The following STK33 variants were observed in gnomAD, a reference collection of about 807,000 sequenced individuals.
STK33 encodes serine/threonine-protein kinase 33.
In STK33, 52 loss-of-function variants were observed where a neutral mutation model predicts 58.0. The observed-to-expected ratio is 0.90, with a 90% confidence interval of 0.72 to 1.13. STK33 has a LOEUF of 1.13. Among genes scored for constraint, STK33 ranks in the 50% most tolerant of loss-of-function variants. STK33 has a pLI of 0.00. For missense variants in STK33, 630 were observed against 604.2 expected, an observed-to-expected ratio of 1.04 and a Z score of -0.45; for synonymous variants, 215 against 200.1, an observed-to-expected ratio of 1.07 and a Z score of -0.63.
intron 1 of STK33, among the ~76,000 whole-genome samples, chr11:8,494,836 A>C (rs1191231275): frequency 1.3e-5 from 2 of 152,158 alleles, no homozygotes; most frequent in East Asian, 3.8e-4. Flanking sequence ...CAAAAACAAG[A>C]AATGGGGAAA....
chr11:8,476,423 C>T (rs999143435), intron 4 of STK33, among the ~76,000 whole-genome samples: 6 of 152,164 alleles, frequency 3.9e-5, no homozygotes, highest in African/African-American at 1.2e-4. Context: ...TTTGCCTATA[C>T]GGTCCCAAAT....
chr11:8,552,550 A>G (rs1284236550), intron 1 of STK33, among the ~76,000 whole-genome samples: 3 of 152,102 alleles, frequency 2.0e-5, no homozygotes, highest in Non-Finnish European at 4.4e-5. Flanking sequence ...CTTATTCTAT[A>G]AGCTTTTTTC....
chr11:8,346,938 C>T, the STK33 span, among the ~76,000 whole-genome samples: 3 of 152,110 alleles, frequency 2.0e-5, no homozygotes, highest in Non-Finnish European at 4.4e-5. Context: ...AATCATAGAC[C>T]TTTATTTTCT....
In STK33 at chr11:8,392,592, G is replaced by T. The variant is rs762420940; in HGVS notation, c.1463C>A (p.Thr488Asn). Residue 488 changes from threonine to asparagine, a missense_variant, in exon 16 of 16, where the codon ACC becomes AAC. Coordinates refer to ENST00000687296, the MANE Select transcript of STK33 (RefSeq NM_001352389.2). ...TGTTCCTTGGCTTGGAGTCACAGGG[G>T]TTTTCTCCATTTCTCCCTTGATTTC... ...PAEIKGEMEK[T>N]PVTPSQGTAT... is the part of the protein sequence containing the mutation. 8.7e-6 allele frequency: 14 copies of T among 1,614,088 alleles called. No individual in the cohort carries two copies. The Admixed American group carries it at 1.8e-4, about 21-fold the overall frequency.
At chr11:8,514,183 T>C (rs1045988715) in intron 1 of STK33, among the ~76,000 whole-genome samples, 1 of 152,236 alleles carries the variant, frequency 6.6e-6, no homozygotes, top group Non-Finnish European at 1.5e-5. Context: ...TACTCCATTG[T>C]ATATATGTGT....
intron 8 of STK33, among the ~76,000 whole-genome samples, chr11:8,461,072 C>T (rs887207305): frequency 6.6e-6 from 1 of 152,222 alleles, no homozygotes; most frequent in African/African-American, 2.4e-5. Context: ...GCCCATTTTA[C>T]AGATGAGGAA....
At chr11:8,515,349 C>G (rs1952682232) in intron 1 of STK33, among the ~76,000 whole-genome samples, 1 of 151,976 alleles carries the variant, frequency 6.6e-6, no homozygotes, top group Non-Finnish European at 1.5e-5. Context: ...TAGAACCTAC[C>G]AAGATAAATT....
chr11:8,490,541 G>A (rs185371481), intron 1 of STK33, among the ~76,000 whole-genome samples: 36 of 152,316 alleles, frequency 2.4e-4, no homozygotes, highest in East Asian at 2.1e-3. Flanking sequence ...AAACGTCCCC[G>A]TCTCACAGCT....
In STK33 at chr11:8,554,688, C is replaced by T. The variant is rs1354469378; in HGVS notation, c.-466+39395G>A. Among the ~76,000 whole-genome samples, 4 of 152,076 alleles carry T rather than the reference C, an allele frequency of 2.6e-5. No homozygotes were observed. The East Asian group carries it at 5.8e-4, about 22-fold the overall frequency. On this transcript the variant is annotated intron_variant, in intron 1 of 15. Coordinates refer to ENST00000687296, the MANE Select transcript of STK33 (RefSeq NM_001352389.2). Reference sequence around the variant, plus strand: ...AAATTAGTACAGCTATTATAAAAAACGGTATGGAGATTCCTCAAAAAAACT... The same window carrying T: ...AAATTAGTACAGCTATTATAAAAAATGGTATGGAGATTCCTCAAAAAAACT...
intron 1 of STK33, among the ~76,000 whole-genome samples, chr11:8,525,073 C>G (rs1352316080): frequency 6.6e-6 from 1 of 151,962 alleles, no homozygotes; most frequent in African/African-American, 2.4e-5. Flanking sequence ...GAACTTTAAG[C>G]AGAAAACTGT....
chr11:8,373,842 T>C, the STK33 span, among the ~76,000 whole-genome samples: 3 of 152,126 alleles, frequency 2.0e-5, no homozygotes, highest in Admixed American at 6.5e-5. Flanking sequence ...CTTTGACTAG[T>C]GGTTCTCAAA....
intron 1 of STK33, among the ~76,000 whole-genome samples, chr11:8,520,270 A>C (rs977869302): frequency 8.5e-5 from 13 of 152,242 alleles, no homozygotes; most frequent in Admixed American, 8.5e-4. Flanking sequence ...AGATGCAGAA[A>C]AGGCCTTTGA....
At chr11:8,364,915 A>G in the STK33 span, among the ~76,000 whole-genome samples, 1 of 152,102 alleles carries the variant, frequency 6.6e-6, no homozygotes, top group Non-Finnish European at 1.5e-5. Flanking sequence ...TGGGTTCACC[A>G]ATTATTTCAT....
intron 1 of STK33, among the ~76,000 whole-genome samples, chr11:8,548,590 G>C (rs988789732): frequency 2.0e-5 from 3 of 152,152 alleles, no homozygotes; most frequent in Non-Finnish European, 4.4e-5. Context: ...TGACTATTCA[G>C]AGTCTTTTGT....
chr11:8,431,429 T>G (rs1369616885), intron 14 of STK33, among the ~76,000 whole-genome samples: 1 of 152,138 alleles, frequency 6.6e-6, no homozygotes, highest in Non-Finnish European at 1.5e-5. Context: ...CATAAATTAA[T>G]GAACAAAGGC....
intron 1 of STK33, among the ~76,000 whole-genome samples, chr11:8,518,172 G>C (rs1006321038): frequency 1.3e-5 from 2 of 152,314 alleles, no homozygotes; most frequent in African/African-American, 4.8e-5. Flanking sequence ...CCAGAAGAGA[G>C]TGGGGGCAAA....
At chr11:8,452,790 A>C (rs751727425) in intron 11 of STK33, 32 bp downstream of exon 11, 1 of 1,597,818 alleles carries the variant, frequency 6.3e-7, no homozygotes, top group South Asian at 1.1e-5. Flanking sequence ...CCTGTCTCAA[A>C]ACAAAAATTA....
rs552118353 is a variant in STK33, at chr11:8,517,145, G to C, written c.-465-36531C>G. ...CTCTGAGACAAAGCTTCCAGAGAAA[G>C]GGTCAGGCAGCAACATCTGCCATTC... is the stretch of plus-strand genomic sequence containing the variant. On this transcript the variant is annotated intron_variant, in intron 1 of 15. Coordinates refer to ENST00000687296, the MANE Select transcript of STK33 (RefSeq NM_001352389.2). 3.3e-5 allele frequency among the ~76,000 whole-genome samples: 5 copies of C among 152,298 alleles called. No individual in the cohort carries two copies. In the South Asian group the frequency reaches 8.3e-4, roughly 25 times the overall value.
intron 1 of STK33, among the ~76,000 whole-genome samples, chr11:8,536,364 G>A (rs1008052751): frequency 7.9e-5 from 12 of 152,090 alleles, no homozygotes; most frequent in African/African-American, 2.9e-4. Flanking sequence ...AAAGAGCCCA[G>A]AGACTTCAGA....
Sources: allele counts gnomAD v4.1 joint callset (sites outside exome capture counted in the v4.1 genomes callset), GRCh38; gene constraint gnomAD v4.1.1; transcripts MANE v1.5; gene names NCBI Gene and HGNC (gene_info 2026-07-23, HGNC 2026-07-21).